The following ZNF273 variants were observed in gnomAD, a reference collection of about 807,000 sequenced individuals.
ZNF273 encodes zinc finger protein 9.
Under a neutral mutation model 14.9 loss-of-function variants are expected in ZNF273, and 11 were observed. The observed-to-expected ratio is 0.74, with a 90% CI of 0.46 to 1.22. The LOEUF is 1.22. Ranked by LOEUF, ZNF273 falls within the 50% of genes most tolerant of loss-of-function variation. ZNF273 has a pLI of 0.00. For synonymous variants in ZNF273, 199 were observed against 223.9 expected (o/e 0.89, Z 0.99); for missense variants, 577 against 660.6 (o/e 0.87, Z 1.39).
At chr7:64,911,703 T>A (rs1793527815) in intron 1 of ZNF273, among the ~76,000 whole-genome samples, 1 of 152,204 alleles carries the variant, frequency 6.6e-6, no homozygotes, top group Non-Finnish European at 1.5e-5. Flanking sequence ...TTCTTAATAT[T>A]TTGTATAGTT....
downstream of ZNF273, among the ~76,000 whole-genome samples, chr7:64,881,535 T>C (rs1268301125): frequency 6.6e-6 from 1 of 152,230 alleles, no homozygotes; most frequent in Non-Finnish European, 1.5e-5. Context: ...TCCTGTAGGA[T>C]GAGAAGCAGG....
At chr7:64,887,885 G>A (rs1282082748) in intron 1 of ZNF273, among the ~76,000 whole-genome samples, 1 of 151,974 alleles carries the variant, frequency 6.6e-6, no homozygotes, top group Non-Finnish European at 1.5e-5. Context: ...TTTCAGAGGG[G>A]TGGTCGGGTG....
chr7:64,901,003 TTTA>T (rs918169710), upstream of ZNF273, among the ~76,000 whole-genome samples: 1 of 95,478 alleles, frequency 1.0e-5, no homozygotes, highest in African/African-American at 3.7e-5. Context: ...TATGCCTTTA[TTTA>T]TTTTTTTTTT....
chr7:64,877,899 G>A (rs1206076459), intron 1 of ZNF273: 1 of 152,198 alleles, frequency 6.6e-6, no homozygotes, highest in East Asian at 1.9e-4. Flanking sequence ...TGTTCTCCGG[G>A]GCTGTTCTCT....
chr7:64,924,435 A>G (rs1794672289), intron 3 of ZNF273: 1 of 152,112 alleles, frequency 6.6e-6, no homozygotes, highest in African/African-American at 2.4e-5. Context: ...CTATAATTAT[A>G]TTGTTCTCTA....
downstream of ZNF273, among the ~76,000 whole-genome samples, chr7:64,934,079 G>C (rs111454274): frequency 6.7e-3 from 1,018 of 152,268 alleles, 18 homozygotes; most frequent in African/African-American, 0.022. Flanking sequence ...ATTTTTAGTA[G>C]AGATGGGGTT....
exon 4 of ZNF273, chr7:64,898,020 C>A (rs1399758308): frequency 6.6e-6 from 1 of 152,156 alleles, no homozygotes; most frequent in Non-Finnish European, 1.5e-5. Flanking sequence ...AGCCACCGCA[C>A]CCGGCCTCAT....
At chr7:64,892,881 GTAAGTGGGTCT>G (rs774700245), downstream of ZNF273, among the ~76,000 whole-genome samples, 2 of 152,140 alleles carry the variant, frequency 1.3e-5, no homozygotes, top group African/African-American at 2.4e-5. Context: ...CTTGTATTAT[GTAAGTGGGTCT>G]TAAGTGGGTC....
At position 64,903,285 on chromosome 7, in the gene ZNF273, A is replaced by T. The variant is rs1344636308; in HGVS notation, c.-33A>T. The T allele has an allele frequency of 1.3e-6, 2 of 1,554,544 alleles. No individual in the cohort carries two copies. Among genetic ancestry groups the T allele is most frequent in the East Asian group, 2.3e-5 (1 of 44,166 alleles). On this transcript the variant is annotated 5_prime_UTR_variant, in exon 1 of 4. Transcript: ENST00000476120. The stretch of plus-strand genomic sequence containing the variant: ...TGGCGGGGCCTTTGTCTCTCGCTGC[A>T]GTCGCAGCTCCAGGTCTCGTCTTCA...
At chr7:64,915,212 G>GT (rs1275066445) in intron 1 of ZNF273, among the ~76,000 whole-genome samples, 1 of 150,814 alleles carries the variant, frequency 6.6e-6, no homozygotes. Context: ...CATTAAAAAT[G>GT]TTTCCTTTGT....
At chr7:64,887,171 A>T (rs1366313920) in intron 1 of ZNF273, among the ~76,000 whole-genome samples, 1 of 152,196 alleles carries the variant, frequency 6.6e-6, no homozygotes, top group Non-Finnish European at 1.5e-5. Context: ...AGCTAGGTCT[A>T]TCATTATTTT....
chr7:64,906,004 G>A (rs1793089504), intron 1 of ZNF273, among the ~76,000 whole-genome samples: 1 of 152,124 alleles, frequency 6.6e-6, no homozygotes, highest in Non-Finnish European at 1.5e-5. Context: ...TTCTTTGCCA[G>A]AATGAGTTTA....
At chr7:64,884,540 G>C (rs989777234), downstream of ZNF273, among the ~76,000 whole-genome samples, 2 of 151,984 alleles carry the variant, frequency 1.3e-5, no homozygotes, top group East Asian at 1.9e-4. Flanking sequence ...CTTTATTGTC[G>C]TTCCTGCCTT....
chr7:64,923,135 G>A (rs1263844414), intron 3 of ZNF273, among the ~76,000 whole-genome samples: 1 of 151,844 alleles, frequency 6.6e-6, no homozygotes, highest in African/African-American at 2.4e-5. Context: ...CGTTTTCATG[G>A]CACTTTTCAA....
downstream of ZNF273, among the ~76,000 whole-genome samples, chr7:64,891,394 G>A (rs1792028837): frequency 6.6e-6 from 1 of 152,238 alleles, no homozygotes; most frequent in African/African-American, 2.4e-5. Flanking sequence ...AGTATCACTT[G>A]GCTCAGGACC....
At chr7:64,926,603 T>G (rs889255120) in intron 3 of ZNF273, among the ~76,000 whole-genome samples, 1 of 152,172 alleles carries the variant, frequency 6.6e-6, no homozygotes, top group Admixed American at 6.5e-5. Flanking sequence ...TTCAGAAAAT[T>G]TTATAATGTT....
chr7:64,908,086 A>G (rs1793244407), intron 1 of ZNF273, among the ~76,000 whole-genome samples: 2 of 152,226 alleles, frequency 1.3e-5, no homozygotes, highest in Admixed American at 6.5e-5. Flanking sequence ...ACCCCCAGAC[A>G]CTGAATCTGC....
At chr7:64,881,740 G>A (rs1342788840), downstream of ZNF273, among the ~76,000 whole-genome samples, 1 of 152,178 alleles carries the variant, frequency 6.6e-6, no homozygotes, top group Non-Finnish European at 1.5e-5. Flanking sequence ...GTCTCTTTGT[G>A]GGGGCTGGGG....
intron 1 of ZNF273, among the ~76,000 whole-genome samples, chr7:64,909,775 AT>A (rs1793360782): frequency 6.6e-6 from 1 of 151,936 alleles, no homozygotes; most frequent in South Asian, 2.1e-4. Context: ...GGTTGAACTA[AT>A]TTATACTCCC....
Sources: allele counts gnomAD v4.1 joint callset (sites outside exome capture counted in the v4.1 genomes callset), GRCh38; gene constraint gnomAD v4.1.1; transcripts MANE v1.5; gene names NCBI Gene and HGNC (gene_info 2026-07-23, HGNC 2026-07-21).